SNX29: variants seen among roughly 807,000 people sequenced by gnomAD.
SNX29 encodes sorting nexin-29.
Under a neutral mutation model 102.1 loss-of-function variants are expected in SNX29, and 78 were observed. The ratio of observed to expected loss-of-function variants is 0.76; its 90% CI spans 0.64 to 0.92. The LOEUF is 0.92. Ranked by LOEUF, SNX29 falls within the 40% of genes least tolerant of loss-of-function variation. The probability of loss-of-function intolerance (pLI) is 0.00; values close to 1 mark genes in which losing one functional copy is unlikely to be tolerated. For synonymous variants in SNX29, 580 were observed against 414.5 expected, an observed-to-expected ratio of 1.40 and a Z score of -4.85; for missense variants, 1,280 against 1,061.7, an observed-to-expected ratio of 1.21 and a Z score of -2.86.
chr16:12,451,771 G>A (rs548501142), intron 18 of SNX29, among the ~76,000 whole-genome samples: 1 of 152,334 alleles, frequency 6.6e-6, no homozygotes, highest in South Asian at 2.1e-4. Flanking sequence ...GGCTGAGGCA[G>A]CAGAATCGCT....
intron 13 of SNX29, among the ~76,000 whole-genome samples, chr16:12,134,858 T>C (rs1252615027): frequency 6.6e-6 from 1 of 152,166 alleles, no homozygotes; most frequent in African/African-American, 2.4e-5. Flanking sequence ...TGTATGTATA[T>C]CTCTAGAAAG....
At chr16:12,536,444 T>A (rs1350361763) in intron 20 of SNX29, among the ~76,000 whole-genome samples, 1 of 151,976 alleles carries the variant, frequency 6.6e-6, no homozygotes, top group East Asian at 1.9e-4. Flanking sequence ...TGTGCAGGCT[T>A]GGGTTTGACT....
At chr16:12,067,284 T>A (rs13331254) in intron 9 of SNX29, among the ~76,000 whole-genome samples, 27,263 of 151,274 alleles carry the variant, frequency 0.18, 2,899 homozygotes, top group South Asian at 0.33. Context: ...TTAAAACAAT[T>A]TTTTTTTTCC....
chr16:12,513,919 G>A (rs532254482), intron 19 of SNX29, among the ~76,000 whole-genome samples: 12 of 152,278 alleles, frequency 7.9e-5, no homozygotes, highest in African/African-American at 1.9e-4. Flanking sequence ...AATTGCTCTC[G>A]TCAGCTTCCC....
intron 20 of SNX29, among the ~76,000 whole-genome samples, chr16:12,533,313 G>T (rs537371002): frequency 1.3e-5 from 2 of 152,218 alleles, no homozygotes; most frequent in Non-Finnish European, 2.9e-5. Flanking sequence ...GTCACTGTTC[G>T]TGGGCTGGTA....
intron 20 of SNX29, 86 bp from the exon 21 acceptor site, chr16:12,568,420 G>GC: frequency 6.4e-7 from 1 of 1,558,262 alleles, no homozygotes. Context: ...GATCCCTCCT[G>GC]CCCTCACACC....
At chr16:12,479,006 A>T (rs2087785189) in intron 19 of SNX29, among the ~76,000 whole-genome samples, 1 of 152,222 alleles carries the variant, frequency 6.6e-6, no homozygotes, top group Non-Finnish European at 1.5e-5. Context: ...TGTGTAAGAC[A>T]TCGGGCATTG....
At chr16:12,232,561 T>C (rs1488575668) in intron 14 of SNX29, among the ~76,000 whole-genome samples, 1 of 152,166 alleles carries the variant, frequency 6.6e-6, no homozygotes, top group Non-Finnish European at 1.5e-5. Context: ...TTTTGTTTGC[T>C]TTGGTAAACA....
intron 18 of SNX29, among the ~76,000 whole-genome samples, chr16:12,407,516 C>A (rs2084215037): frequency 6.6e-6 from 1 of 152,148 alleles, no homozygotes; most frequent in Non-Finnish European, 1.5e-5. Flanking sequence ...TAGCATGATG[C>A]TCTATGAATG....
intron 13 of SNX29, among the ~76,000 whole-genome samples, chr16:12,190,242 C>T (rs2076608463): frequency 6.6e-6 from 1 of 152,066 alleles, no homozygotes. Context: ...GATGTCAGTT[C>T]CACTTCCACT....
intron 1 of SNX29, among the ~76,000 whole-genome samples, chr16:11,984,825 T>A (rs1178709702): frequency 6.6e-6 from 1 of 152,106 alleles, no homozygotes; most frequent in African/African-American, 2.4e-5. Flanking sequence ...CGTCTAACTT[T>A]TTCATTTGGT....
chr16:12,335,350 G>T (rs1476227327), intron 15 of SNX29, among the ~76,000 whole-genome samples: 1 of 152,038 alleles, frequency 6.6e-6, no homozygotes, highest in Non-Finnish European at 1.5e-5. Context: ...AGCAAAAAAA[G>T]CTCAAATCAG....
chr16:12,188,166 A>G (rs2076557909), intron 13 of SNX29, among the ~76,000 whole-genome samples: 1 of 152,224 alleles, frequency 6.6e-6, no homozygotes. Context: ...GATGACAATG[A>G]ATTACTAACC....
intron 13 of SNX29, among the ~76,000 whole-genome samples, chr16:12,169,513 G>A (rs563299916): frequency 3.3e-4 from 50 of 152,192 alleles, no homozygotes; most frequent in African/African-American, 1.2e-3. Context: ...CTTTGTCTTC[G>A]GGCAAGGCAA....
At chr16:12,553,129 C>T (rs994464630) in intron 20 of SNX29, among the ~76,000 whole-genome samples, 3 of 151,842 alleles carry the variant, frequency 2.0e-5, no homozygotes, top group Non-Finnish European at 2.9e-5. Flanking sequence ...GGGCCTTGGG[C>T]TTCTGGCTCA....
chr16:12,279,299 G>A (rs2079356472), intron 15 of SNX29, among the ~76,000 whole-genome samples: 1 of 152,222 alleles, frequency 6.6e-6, no homozygotes, highest in African/African-American at 2.4e-5. Flanking sequence ...CATTGCTGGT[G>A]CAGGCTGCCA....
intron 8 of SNX29, among the ~76,000 whole-genome samples, chr16:12,058,068 C>T (rs1249866816): frequency 4.6e-5 from 7 of 152,054 alleles, no homozygotes; most frequent in African/African-American, 1.7e-4. Flanking sequence ...GATCTGCCCA[C>T]CTTGGCCTCC....
At chr16:12,526,738 G>A in intron 20 of SNX29, 1 of 457,714 alleles carries the variant, frequency 2.2e-6, no homozygotes, top group East Asian at 4.1e-5. Context: ...GATGCTGAGA[G>A]TGTGAGCAGG....
chr16:12,349,592 A>G (rs1178349586), intron 15 of SNX29, among the ~76,000 whole-genome samples: 3 of 152,238 alleles, frequency 2.0e-5, no homozygotes, highest in African/African-American at 7.2e-5. Context: ...TCATCCTGTA[A>G]GTATAATGCA....
Sources: gnomAD v4.1 joint callset for allele counts (sites outside exome capture counted in the v4.1 genomes callset) on GRCh38, gnomAD v4.1.1 for gene constraint, MANE v1.5 for transcripts, NCBI Gene and HGNC (gene_info 2026-07-23, HGNC 2026-07-21) for gene names.